FARS2: variants seen among roughly 807,000 people sequenced by gnomAD.
The protein encoded by FARS2 is phenylalanine--tRNA ligase, mitochondrial.
In FARS2, 40 loss-of-function variants were observed where a neutral mutation model predicts 46.4. That is an observed-to-expected ratio of 0.86 (90% CI 0.67 to 1.12). The LOEUF (loss-of-function observed/expected upper bound fraction) is 1.12, where lower values mean the gene tolerates loss of function less well. Among genes scored for constraint, FARS2 ranks in the 50% most tolerant of loss-of-function variants. The probability of loss-of-function intolerance (pLI) is 0.00; values close to 1 mark genes in which losing one functional copy is unlikely to be tolerated. For missense variants in FARS2, 513 were observed against 567.9 expected (o/e 0.90, Z 0.98); for synonymous variants, 234 against 214.9 (o/e 1.09, Z -0.78).
chr6:5,576,682 A>G (rs991441508), intron 5 of FARS2, among the ~76,000 whole-genome samples: 10 of 148,802 alleles, frequency 6.7e-5, no homozygotes, highest in Non-Finnish European at 1.5e-4. Context: ...ACCCTAATAC[A>G]GTAATTGACA....
At chr6:5,689,263 C>G (rs1329717643) in intron 6 of FARS2, among the ~76,000 whole-genome samples, 3 of 152,138 alleles carry the variant, frequency 2.0e-5, no homozygotes, top group African/African-American at 7.2e-5. Context: ...TTTGCTCTTG[C>G]TTCTCTAGTT....
intron 5 of FARS2, among the ~76,000 whole-genome samples, chr6:5,587,020 G>T (rs1340183343): frequency 1.3e-5 from 2 of 152,138 alleles, no homozygotes; most frequent in African/African-American, 2.4e-5. Context: ...ATAAGTAAGA[G>T]AACTAAATGC....
intron 6 of FARS2, among the ~76,000 whole-genome samples, chr6:5,648,304 G>A (rs115739838): frequency 5.9e-4 from 90 of 152,308 alleles, no homozygotes; most frequent in Middle Eastern, 3.4e-3. Flanking sequence ...CAGGGCTGGC[G>A]TCTTACGTGG....
At chr6:5,263,463 G>T (rs573053632) in intron 1 of FARS2, among the ~76,000 whole-genome samples, 12 of 152,262 alleles carry the variant, frequency 7.9e-5, no homozygotes, top group Admixed American at 5.9e-4. Flanking sequence ...GAGGCTAAAA[G>T]AAAATAATCA....
intron 3 of FARS2, among the ~76,000 whole-genome samples, chr6:5,406,025 C>T (rs964005721): frequency 2.6e-5 from 4 of 152,126 alleles, no homozygotes; most frequent in Admixed American, 1.3e-4. Context: ...CTTCCCCCTC[C>T]AGCTATTTTT....
At chr6:5,266,236 G>A (rs1765541582) in intron 1 of FARS2, among the ~76,000 whole-genome samples, 1 of 152,218 alleles carries the variant, frequency 6.6e-6, no homozygotes, top group African/African-American at 2.4e-5. Context: ...AGTGCATGAG[G>A]GTGAGAACGG....
chr6:5,613,179 A>G lies in FARS2; in HGVS notation c.1076A>G (p.Lys359Arg), dbSNP rs1171685828. The change falls in exon 6 of 7, where the codon AAA becomes AGA. Residue 359 changes from lysine to arginine, a missense_variant. Transcript: ENST00000274680. The part of the protein sequence containing the change: ...NQKVKFQPLS[K>R]YPAVINDISF... ...CTCTTGTTTTGTTAGCCTCTTAGCA[A>G]ATATCCGGCTGTGATCAATGATATT... The G allele has an allele frequency of 6.2e-7, 1 of 1,612,242 alleles. No homozygotes were observed. The highest frequency in any genetic ancestry group is 8.5e-7 in the Non-Finnish European group (1 of 1,179,406).
chr6:5,678,150 T>C (rs985219386), intron 6 of FARS2, among the ~76,000 whole-genome samples: 1 of 152,128 alleles, frequency 6.6e-6, no homozygotes, highest in African/African-American at 2.4e-5. Flanking sequence ...ATAAACAGTT[T>C]GTCACAATCT....
rs1348880744 is a variant in FARS2, at chr6:5,630,612, C to T, written c.1217+17292C>T. The stretch of plus-strand genomic sequence containing the variant: ...GAAATAATACTGCAGGGAAGTTTCA[C>T]GTTGCTGTCATTTACCCGTTCTGAT... On this transcript the variant is annotated intron_variant, in intron 6 of 6. Coordinates refer to ENST00000274680, the MANE Select transcript of FARS2 (RefSeq NM_006567.5). The surrounding 1 kb of genome is among the most constrained non-coding windows in gnomAD (Gnocchi z 4.2). 6.6e-6 allele frequency among the ~76,000 whole-genome samples: 1 copy of T among 152,184 alleles called. No individual in the cohort carries two copies. Among genetic ancestry groups the T allele is most frequent in the Non-Finnish European group, 1.5e-5 (1 of 68,036 alleles).
intron 2 of FARS2, among the ~76,000 whole-genome samples, chr6:5,383,466 G>A (rs1017224312): frequency 2.0e-5 from 3 of 152,184 alleles, no homozygotes; most frequent in Non-Finnish European, 4.4e-5. Context: ...GAAACGAGAG[G>A]CAAATCCTGG....
At chr6:5,421,485 C>T (rs1039008671) in intron 3 of FARS2, among the ~76,000 whole-genome samples, 3 of 152,210 alleles carry the variant, frequency 2.0e-5, no homozygotes, top group African/African-American at 7.2e-5. Context: ...TGAATTTCTC[C>T]TCAGAAAATG....
At chr6:5,321,864 C>A (rs1247314528) in intron 1 of FARS2, among the ~76,000 whole-genome samples, 1 of 152,156 alleles carries the variant, frequency 6.6e-6, no homozygotes. Context: ...TACTTGATCA[C>A]CTGCTTTCAT....
intron 4 of FARS2, among the ~76,000 whole-genome samples, chr6:5,477,722 C>G (rs1766205795): frequency 6.6e-6 from 1 of 152,072 alleles, no homozygotes; most frequent in Admixed American, 6.6e-5. Context: ...AAATCCATAT[C>G]AAATACTTAG....
chr6:5,379,332 A>T (rs781033324), intron 2 of FARS2, among the ~76,000 whole-genome samples: 2 of 152,180 alleles, frequency 1.3e-5, no homozygotes, highest in Non-Finnish European at 2.9e-5. Context: ...ATAAGAGCAC[A>T]TGTGTCTGTT....
chr6:5,533,801 G>A (rs1265601488), intron 4 of FARS2, among the ~76,000 whole-genome samples: 5 of 152,174 alleles, frequency 3.3e-5, no homozygotes, highest in African/African-American at 9.7e-5. Flanking sequence ...CCGTTACCCC[G>A]GACATGACTG....
chr6:5,482,194 A>G (rs930481009), intron 4 of FARS2, among the ~76,000 whole-genome samples: 14 of 152,188 alleles, frequency 9.2e-5, no homozygotes, highest in African/African-American at 3.4e-4. Flanking sequence ...AAGTCTAGGA[A>G]GCACAATCCC....
At chr6:5,494,504 G>A (rs9504416) in intron 4 of FARS2, among the ~76,000 whole-genome samples, 54,976 of 152,050 alleles carry the variant, frequency 0.36, 11,312 homozygotes, top group African/African-American at 0.57. Flanking sequence ...TCTATTGCTA[G>A]TAAGAGCAAA....
At chr6:5,693,170 C>G (rs1408610302) in intron 6 of FARS2, among the ~76,000 whole-genome samples, 1 of 152,182 alleles carries the variant, frequency 6.6e-6, no homozygotes, top group Non-Finnish European at 1.5e-5. Flanking sequence ...CTTTAATGAT[C>G]TCAGGATAAA....
intron 1 of FARS2, among the ~76,000 whole-genome samples, chr6:5,302,203 T>C (rs1561943221): frequency 6.6e-6 from 1 of 152,100 alleles, no homozygotes; most frequent in Non-Finnish European, 1.5e-5. Flanking sequence ...AAACCTGTGT[T>C]GTTGTGTTGT....
Sources: gnomAD v4.1 joint callset for allele counts (sites outside exome capture counted in the v4.1 genomes callset) on GRCh38, gnomAD v4.1.1 for gene constraint, Gnocchi (gnomAD v3.1) non-coding constraint, MANE v1.5 for transcripts, NCBI Gene and HGNC (gene_info 2026-07-23, HGNC 2026-07-21) for gene names.